FRG1: variants seen among roughly 807,000 people sequenced by gnomAD.
The protein encoded by FRG1 is FSHD region gene 1.
In FRG1, 19 loss-of-function variants were observed where a neutral mutation model predicts 37.0. That is an observed-to-expected ratio of 0.51 (90% CI 0.36 to 0.75). The LOEUF is 0.75. Among genes scored for constraint, FRG1 ranks in the 30% least tolerant of loss-of-function variants. The probability of loss-of-function intolerance (pLI) is 0.00; values close to 1 mark genes in which losing one functional copy is unlikely to be tolerated. For missense variants in FRG1, 243 were observed against 301.4 expected (o/e 0.81, Z 1.44); for synonymous variants, 73 against 96.5 (o/e 0.76, Z 1.43).
At chr4:189,959,599 T>C (rs1046516825) in intron 6 of FRG1, among the ~76,000 whole-genome samples, 4 of 152,262 alleles carry the variant, frequency 2.6e-5, no homozygotes, top group Non-Finnish European at 5.9e-5. Flanking sequence ...TTGTATCATG[T>C]TTAAATTATT....
intron 2 of FRG1, among the ~76,000 whole-genome samples, chr4:189,950,747 G>C (rs2126808230): frequency 6.6e-6 from 1 of 152,154 alleles, no homozygotes; most frequent in East Asian, 1.9e-4. Flanking sequence ...CCAGGCCCCA[G>C]CATTAATTAT....
intron 4 of FRG1, 130 bp downstream of exon 4, chr4:189,953,255 A>C: frequency 7.4e-7 from 1 of 1,351,408 alleles, no homozygotes; most frequent in Non-Finnish European, 9.6e-7. Flanking sequence ...GCTTTTTTGA[A>C]AAGTAGATTT....
intron 1 of FRG1, chr4:189,942,154 A>T (rs1294697320): frequency 6.4e-6 from 1 of 155,630 alleles, no homozygotes; most frequent in African/African-American, 2.4e-5. Context: ...TAGCACTGTC[A>T]ATGTGCCAAG....
chr4:189,954,747 G>T (rs368093449), intron 4 of FRG1, among the ~76,000 whole-genome samples: 1 of 151,648 alleles, frequency 6.6e-6, no homozygotes, highest in African/African-American at 2.4e-5. Flanking sequence ...TGTGCATGCC[G>T]CCATGCCCAG....
At chr4:189,946,515 TCA>T (rs1736536067) in intron 2 of FRG1, among the ~76,000 whole-genome samples, 1 of 152,108 alleles carries the variant, frequency 6.6e-6, no homozygotes, top group Admixed American at 6.5e-5. Flanking sequence ...TAACTTATTT[TCA>T]GTTTACTTTG....
intron 2 of FRG1, among the ~76,000 whole-genome samples, chr4:189,946,073 G>T (rs544699091): frequency 1.3e-5 from 2 of 152,062 alleles, no homozygotes; most frequent in African/African-American, 2.4e-5. Flanking sequence ...TTTAATGTCC[G>T]TAGAATCTCA....
At chr4:189,950,322 CTT>C (rs1736701678) in intron 2 of FRG1, among the ~76,000 whole-genome samples, 2 of 152,252 alleles carry the variant, frequency 1.3e-5, no homozygotes, top group South Asian at 4.1e-4. Context: ...CCTGGGTTGC[CTT>C]TTACTCTGTT....
At chr4:189,944,996 C>T (rs1363900705) in intron 2 of FRG1, among the ~76,000 whole-genome samples, 1 of 152,052 alleles carries the variant, frequency 6.6e-6, no homozygotes, top group Non-Finnish European at 1.5e-5. Flanking sequence ...TCTTGCATGC[C>T]TGTTTAAACA....
chr4:189,946,147 G>A (rs991141471), intron 2 of FRG1, among the ~76,000 whole-genome samples: 4 of 152,216 alleles, frequency 2.6e-5, no homozygotes, highest in African/African-American at 7.2e-5. Flanking sequence ...GGATCAGTCA[G>A]TCTAGCTGGA....
intron 2 of FRG1, among the ~76,000 whole-genome samples, chr4:189,946,542 C>T (rs1736536907): frequency 1.3e-5 from 2 of 151,788 alleles, no homozygotes; most frequent in East Asian, 3.9e-4. Flanking sequence ...TGTTTTATTG[C>T]TTCTTAGGAA....
In FRG1 at chr4:189,940,934, C is replaced by G. The variant is rs903159987; in HGVS notation, c.-76C>G. ...TTTCGCGTCCGCTTCTGTTTCTCCG[C>G]GCCCCTGTGCTGCCCCGACTCACAT... On this transcript the variant is annotated 5_prime_UTR_variant, in exon 1 of 9. Coordinates refer to ENST00000226798, the MANE Select transcript of FRG1 (RefSeq NM_004477.3). 2 of 1,155,678 alleles carry G rather than the reference C, an allele frequency of 1.7e-6. No homozygotes were observed. Among genetic ancestry groups the G allele is most frequent in the Non-Finnish European group, 2.6e-6 (2 of 783,082 alleles). 71.6% of individuals were successfully genotyped at this position (1,155,678 alleles called of 1,614,324 possible). A position where few individuals can be genotyped will look rare whatever the true frequency, so the allele number is the denominator to read the frequency against.
At chr4:189,957,175 G>A (rs1737017129) in intron 5 of FRG1, among the ~76,000 whole-genome samples, 1 of 152,224 alleles carries the variant, frequency 6.6e-6, no homozygotes, top group African/African-American at 2.4e-5. Flanking sequence ...GTCCTACTAG[G>A]AAGATACACT....
chr4:189,956,239 C>T (rs911654094), intron 5 of FRG1, among the ~76,000 whole-genome samples: 22 of 152,138 alleles, frequency 1.4e-4, no homozygotes, highest in African/African-American at 5.1e-4. Flanking sequence ...CCATACCGTA[C>T]AGGAAACAAC....
At chr4:189,952,032 A>C in intron 2 of FRG1, 130 bp from the exon 3 acceptor site, 3 of 619,676 alleles carry the variant, frequency 4.8e-6, no homozygotes, top group Non-Finnish European at 5.6e-6. Context: ...AGTAAAGAAT[A>C]TGTGAGATCT....
At position 189,961,945 on chromosome 4, in the gene FRG1, T is replaced by G. The variant is rs113711736; in HGVS notation, c.740+13T>G. On this transcript the variant is annotated intron_variant, in intron 8 of 8. Transcript: ENST00000226798. ...CGCTTCTGGACAGGTAGCTATTTAT[T>G]TACTTATTTCCACTATTTTCAGTAG... 7.2e-7 allele frequency: 1 copy of G among 1,391,128 alleles called. No individual in the cohort carries two copies. Among genetic ancestry groups the G allele is most frequent in the Non-Finnish European group, 9.9e-7 (1 of 1,006,986 alleles). 86.2% of individuals were successfully genotyped at this position (1,391,128 alleles called of 1,614,324 possible).
Position 189,940,937 on chromosome 4 carries a change from C to A in FRG1, c.-73C>A. 1 of 1,210,708 alleles carries A rather than the reference C, an allele frequency of 8.3e-7. No homozygotes were observed. The highest frequency in any genetic ancestry group is 2.4e-5 in the East Asian group (1 of 42,104). 75.0% of individuals were successfully genotyped at this position (1,210,708 alleles called of 1,614,324 possible). A position where few individuals can be genotyped will look rare whatever the true frequency, so the allele number is the denominator to read the frequency against. On this transcript the variant is annotated 5_prime_UTR_variant, in exon 1 of 9. Transcript: ENST00000226798. ...CGCGTCCGCTTCTGTTTCTCCGCGC[C>A]CCTGTGCTGCCCCGACTCACATACT...
intron 2 of FRG1, among the ~76,000 whole-genome samples, chr4:189,950,001 C>A (rs141492625): frequency 2.6e-5 from 4 of 151,830 alleles, no homozygotes; most frequent in Non-Finnish European, 5.9e-5. Context: ...TTCTCCACAT[C>A]CTGCCCAACA....
intron 5 of FRG1, among the ~76,000 whole-genome samples, chr4:189,956,344 T>C (rs1213714980): frequency 6.6e-6 from 1 of 152,070 alleles, no homozygotes; most frequent in African/African-American, 2.4e-5. Flanking sequence ...GTTACACCGG[T>C]AGAAAAGGCC....
intron 2 of FRG1, among the ~76,000 whole-genome samples, chr4:189,946,393 C>T (rs1461645220): frequency 6.6e-6 from 1 of 151,436 alleles, no homozygotes; most frequent in Non-Finnish European, 1.5e-5. Context: ...CACAGCTGGC[C>T]TGGGCCACAT....
Sources: gnomAD v4.1 joint callset for allele counts (sites outside exome capture counted in the v4.1 genomes callset) on GRCh38, gnomAD v4.1.1 for gene constraint, MANE v1.5 for transcripts, NCBI Gene and HGNC (gene_info 2026-07-23, HGNC 2026-07-21) for gene names.